THTPA: variants seen among roughly 807,000 people sequenced by gnomAD.
THTPA encodes thiamine triphosphatase.
THTPA carries 16 observed loss-of-function variants against 16.5 expected under a neutral mutation model. That is an observed-to-expected ratio of 0.97 (90% CI 0.66 to 1.47). The LOEUF (loss-of-function observed/expected upper bound fraction) is 1.47. Ranked by LOEUF, THTPA falls within the 40% of genes most tolerant of loss-of-function variation. The probability of loss-of-function intolerance (pLI) is 0.00; values close to 1 mark genes in which losing one functional copy is unlikely to be tolerated. For synonymous variants in THTPA, 110 were observed against 115.5 expected (o/e 0.95, Z 0.30); for missense variants, 281 against 280.9 (o/e 1.00, Z 0.00).
the THTPA span, chr14:23,533,459 C>T: frequency 1.3e-6 from 2 of 1,534,698 alleles, no homozygotes; most frequent in Non-Finnish European, 1.7e-6. The surrounding 1 kb of genome is among the most constrained non-coding windows in gnomAD (Gnocchi z 4.8). Context: ...GTGGGGGTAG[C>T]CCCTGGTGGG....
intron 1 of THTPA, 57 bp from the exon 2 acceptor site, chr14:23,558,638 G>A (rs1226744651): frequency 4.4e-6 from 7 of 1,607,360 alleles, no homozygotes; most frequent in Non-Finnish European, 5.1e-6. Context: ...GCAGGGAGCA[G>A]AGTCCAAGTG....
At position 23,559,560 on chromosome 14, in the gene THTPA, C is replaced by T. The variant is rs1168938767; in HGVS notation, c.*720C>T. 5.0e-6 allele frequency: 3 copies of T among 595,484 alleles called. No individual in the cohort carries two copies. The highest frequency in any genetic ancestry group is 9.1e-6 in the Non-Finnish European group (3 of 331,452). The allele number at this position is 595,484 out of a possible 1,614,324, so 36.9% of individuals were successfully genotyped here. A position where few individuals can be genotyped will look rare whatever the true frequency, so the allele number is the denominator to read the frequency against. ...TACACACTTTCCACTTCAAATATAC[C>T]CAAATATGGCTTTCCTCACTTCTCA... On this transcript the variant is annotated 3_prime_UTR_variant, in exon 2 of 2. Transcript: ENST00000288014.
In THTPA at chr14:23,559,987, C is replaced by T. The variant is rs201878577; in HGVS notation, c.*1147C>T. 483 of 1,613,004 alleles carry T rather than the reference C, an allele frequency of 3.0e-4. 2 individuals are homozygous for T. The Middle Eastern group carries it at 8.0e-3, about 27-fold the overall frequency. ...GAGCTGGGTGATAGGAAGGCCACCC[C>T]GAGCTGGAACTGTGTTCCCACTGGG... On this transcript the variant is annotated 3_prime_UTR_variant, in exon 2 of 2. Transcript: ENST00000288014.
In THTPA at chr14:23,556,582, T is replaced by A; in HGVS notation, c.-176T>A. On this transcript the variant is annotated 5_prime_UTR_variant, in exon 1 of 2. An upstream start codon of the reference 5' UTR is lost. Transcript: ENST00000288014. The stretch of plus-strand genomic sequence containing the variant: ...TAAAATATCACCGACGGGGCCTTAA[T>A]GTCACCGAGGTAGAGAGAAAAGGGC... The A allele has an allele frequency of 3.0e-6, 2 of 667,196 alleles. No homozygotes were observed. The highest frequency in any genetic ancestry group is 4.1e-5 in the South Asian group (2 of 48,938). 41.3% of individuals were successfully genotyped at this position (667,196 alleles called of 1,614,324 possible). A position where few individuals can be genotyped will look rare whatever the true frequency, so the allele number is the denominator to read the frequency against.
the THTPA span, chr14:23,513,021 T>A: frequency 6.6e-6 from 1 of 152,132 alleles, no homozygotes; most frequent in Non-Finnish European, 1.5e-5. Flanking sequence ...GCGAGACAGA[T>A]GGCAGAGTGG....
chr14:23,550,641 T>C, the THTPA span, among the ~76,000 whole-genome samples: 1 of 151,968 alleles, frequency 6.6e-6, no homozygotes, highest in South Asian at 2.1e-4. Flanking sequence ...TGCTTGAAAA[T>C]GATAGGGCTG....
chr14:23,517,322 A>G, the THTPA span, among the ~76,000 whole-genome samples: 2 of 152,144 alleles, frequency 1.3e-5, no homozygotes, highest in East Asian at 1.9e-4. Flanking sequence ...TTGATGGGCC[A>G]TGGTCAAGAT....
At chr14:23,552,048 G>T (rs1882005729), upstream of THTPA, among the ~76,000 whole-genome samples, 1 of 152,118 alleles carries the variant, frequency 6.6e-6, no homozygotes, top group Non-Finnish European at 1.5e-5. Context: ...ATCAGCTTCA[G>T]AACAAGCCCT....
At chr14:23,513,712 C>T in the THTPA span, 2 of 140,350 alleles carry the variant, frequency 1.4e-5, no homozygotes, top group African/African-American at 2.9e-5. Flanking sequence ...AGGCTTTGTA[C>T]ATGGGAGCTG....
the THTPA span, among the ~76,000 whole-genome samples, chr14:23,512,379 G>A: frequency 6.6e-6 from 1 of 152,068 alleles, no homozygotes; most frequent in African/African-American, 2.4e-5. Flanking sequence ...AGGCAGGGAA[G>A]GGCACAGGGG....
the THTPA span, chr14:23,533,081 G>A: frequency 1.3e-6 from 2 of 1,523,328 alleles, no homozygotes; most frequent in Admixed American, 2.0e-5. This position sits in a 1 kb window ranked among gnomAD's most constrained non-coding sequence, Gnocchi z 4.8. Flanking sequence ...TAGGCTTCCA[G>A]GGGCTAGAGG....
the THTPA span, chr14:23,525,973 C>T: frequency 1.3e-6 from 2 of 1,510,108 alleles, no homozygotes; most frequent in Admixed American, 2.0e-5. This position sits in a 1 kb window ranked among gnomAD's most constrained non-coding sequence, Gnocchi z 5.9. Context: ...GGGGAGGGGA[C>T]AGGAAAGGCA....
At chr14:23,537,760 C>T in the THTPA span, among the ~76,000 whole-genome samples, 1 of 152,160 alleles carries the variant, frequency 6.6e-6, no homozygotes, top group African/African-American at 2.4e-5. Context: ...AGGTATTCCT[C>T]CTACAGAATC....
the THTPA span, chr14:23,532,900 G>T: frequency 6.5e-7 from 1 of 1,536,224 alleles, no homozygotes; most frequent in Admixed American, 2.0e-5. Flanking sequence ...GGAGGCTCCG[G>T]CCTATGCTGC....
chr14:23,558,881 A>G lies in THTPA; in HGVS notation c.*41A>G. On this transcript the variant is annotated 3_prime_UTR_variant, in exon 2 of 2. Coordinates refer to ENST00000288014, the MANE Select transcript of THTPA (RefSeq NM_024328.6). Reference sequence around the variant, plus strand: ...GAAGGGGAAGGGAACTCTGGGTCTAACGGAGTCCACTCCTGGGCCCACTGT... The same window carrying G: ...GAAGGGGAAGGGAACTCTGGGTCTAGCGGAGTCCACTCCTGGGCCCACTGT... The G allele has an allele frequency of 6.2e-7, 1 of 1,611,006 alleles. No individual in the cohort carries two copies.
upstream of THTPA, among the ~76,000 whole-genome samples, chr14:23,554,548 A>AT (rs1462768161): frequency 1.4e-4 from 20 of 142,106 alleles, no homozygotes; most frequent in East Asian, 3.1e-3. Context: ...GGCTAATTAA[A>AT]ATTTTTTTTT....
At chr14:23,523,317 G>T in the THTPA span, 20 of 1,453,138 alleles carry the variant, frequency 1.4e-5, no homozygotes, top group South Asian at 4.3e-5. The surrounding 1 kb of genome is among the most constrained non-coding windows in gnomAD (Gnocchi z 4.1). Flanking sequence ...ATGGAGGCAG[G>T]TGTGGTGGCA....
chr14:23,524,528 A>G, the THTPA span: 1 of 1,526,926 alleles, frequency 6.5e-7, no homozygotes, highest in African/African-American at 1.4e-5. This position sits in a 1 kb window ranked among gnomAD's most constrained non-coding sequence, Gnocchi z 5.6. Flanking sequence ...GGGCAGATCT[A>G]GGAGTTGGGG....
chr14:23,532,743 C>T, the THTPA span: 1 of 1,536,108 alleles, frequency 6.5e-7, no homozygotes. Flanking sequence ...GCTCCACCCC[C>T]CTCCCGCAGG....
Sources: gnomAD v4.1 joint callset for allele counts (sites outside exome capture counted in the v4.1 genomes callset) on GRCh38, gnomAD v4.1.1 for gene constraint, Gnocchi (gnomAD v3.1) non-coding constraint, MANE v1.5 for transcripts, NCBI Gene and HGNC (gene_info 2026-07-23, HGNC 2026-07-21) for gene names.